RBM27: variants seen among roughly 807,000 people sequenced by gnomAD.
RBM27 encodes RNA-binding protein 27.
In RBM27, 22 loss-of-function variants were observed where a neutral mutation model predicts 135.3. That is an observed-to-expected ratio of 0.16 (90% CI 0.12 to 0.23). The LOEUF is 0.23. RBM27 is among the 10% of genes least tolerant of loss of function. The pLI is 1.00. For missense variants in RBM27, 1,009 were observed against 1,281.0 expected (o/e 0.79, Z 3.24); for synonymous variants, 481 against 442.4 (o/e 1.09, Z -1.10).
At chr5:146,250,770 CTTTTTTTTTTTT>C (rs58027855) in intron 8 of RBM27, among the ~76,000 whole-genome samples, 9 of 72,672 alleles carry the variant, frequency 1.2e-4, no homozygotes, top group African/African-American at 4.9e-4. Flanking sequence ...TTTTTTTGTC[CTTTTTTTTTTTT>C]TTTTTTTTTT....
At chr5:146,268,471 A>C (rs1312246533) in intron 15 of RBM27, among the ~76,000 whole-genome samples, 6 of 152,082 alleles carry the variant, frequency 3.9e-5, no homozygotes, top group African/African-American at 1.2e-4. Context: ...TGAACTCCCA[A>C]CCTCAGGTGA....
rs868286144 is a variant in RBM27 at position 146,288,923 on chromosome 5, G to T, written c.*2893G>T. ...AAAAATCATGTGAAAAGGAATAGTG[G>T]TTCCTCTTGATGTATAGTATGCCTG... On this transcript the variant is annotated 3_prime_UTR_variant, in exon 21 of 21. Coordinates refer to ENST00000265271, the MANE Select transcript of RBM27 (RefSeq NM_018989.2). 4 of 151,920 alleles carry T rather than the reference G, an allele frequency of 2.6e-5. No individual in the cohort carries two copies. The highest frequency in any genetic ancestry group is 6.6e-5 in the Admixed American group (1 of 15,242). The allele number at this position is 151,920 out of a possible 1,614,324, so 9.4% of individuals were successfully genotyped here.
At chr5:146,205,355 AAG>A (rs1276798947) in intron 1 of RBM27, among the ~76,000 whole-genome samples, 2 of 152,122 alleles carry the variant, frequency 1.3e-5, no homozygotes, top group Non-Finnish European at 1.5e-5. Flanking sequence ...GCTTGAAAGA[AAG>A]GGGTAGAAGA....
intron 17 of RBM27, 86 bp from the exon 18 acceptor site, chr5:146,270,868 T>G: frequency 1.3e-6 from 1 of 783,180 alleles, no homozygotes; most frequent in Non-Finnish European, 2.1e-6. Context: ...CCAAAATACA[T>G]GTGTGTCATT....
chr5:146,284,523 C>G, intron 19 of RBM27, 99 bp from the exon 20 acceptor site: 1 of 785,226 alleles, frequency 1.3e-6, no homozygotes, highest in East Asian at 2.5e-5. Flanking sequence ...ACAGATTTCT[C>G]TCCTGCCCTA....
Position 146,233,167 on chromosome 5 carries a change from C to T in RBM27, c.851-283C>T, listed in dbSNP as rs73319953. Among the ~76,000 whole-genome samples the T allele has an allele frequency of 6.9e-3, 1,048 of 152,216 alleles. 12 individuals are homozygous for T. The highest frequency in any genetic ancestry group is 0.024 in the African/African-American group (976 of 41,516). On this transcript the variant is annotated intron_variant, in intron 6 of 20. Transcript: ENST00000265271. ...AATATCTGAGTTTTTATTATGAAAG[C>T]TTAATTGCAAATGGTTTAGTATAAT...
At chr5:146,228,846 C>G (rs1353434981) in intron 3 of RBM27, 100 bp from the exon 4 acceptor site, 12 of 803,438 alleles carry the variant, frequency 1.5e-5, no homozygotes, top group Admixed American at 4.7e-5. Context: ...ATCCTGGCCT[C>G]AAGCAGTCTT....
chr5:146,242,506 AT>A (rs1383353662), intron 8 of RBM27, among the ~76,000 whole-genome samples: 5 of 152,230 alleles, frequency 3.3e-5, no homozygotes, highest in African/African-American at 4.8e-5. Flanking sequence ...TGATTCTAAA[AT>A]TTATAGAGAA....
chr5:146,229,830 G>C lies in RBM27; in HGVS notation c.509G>C (p.Arg170Pro), dbSNP rs1489587604. Reference sequence around the variant, plus strand: ...TGGAGAAGAGGCAGGAGTAAGAGTCGGAGTAAGAGTCGAGGCCTGAGTCGC... The same window carrying C: ...TGGAGAAGAGGCAGGAGTAAGAGTCCGAGTAAGAGTCGAGGCCTGAGTCGC... ...YDWRRGRSKS[R>P]SKSRGLSRSR... Residue 170 changes from arginine (R) to proline (P), a missense_variant, in exon 5 of 21, where the codon CGG (arginine) becomes CCG (proline). Physicochemically the swap from Arg to Pro is moderately radical, Grantham distance 103. Around this residue, in one of 6 missense-constraint regions of RBM27, gnomAD observed 268 missense variants for 326.6 expected, o/e 0.82. Transcript: ENST00000265271. 3 of 1,614,006 alleles carry C rather than the reference G, an allele frequency of 1.9e-6. No homozygotes were observed. Among genetic ancestry groups the C allele is most frequent in the Non-Finnish European group, 2.5e-6 (3 of 1,179,992 alleles).
At chr5:146,226,722 CT>C (rs1306769471) in intron 3 of RBM27, among the ~76,000 whole-genome samples, 1 of 152,018 alleles carries the variant, frequency 6.6e-6, no homozygotes, top group Admixed American at 6.6e-5. Context: ...AAAAACAAAA[CT>C]GTTATACTAT....
intron 1 of RBM27, among the ~76,000 whole-genome samples, chr5:146,207,150 GC>G (rs1755716462): frequency 6.6e-6 from 1 of 152,160 alleles, no homozygotes; most frequent in Non-Finnish European, 1.5e-5. Flanking sequence ...CAGAGCAGTT[GC>G]TAGGCTTTGA....
chr5:146,252,488 T>G (rs1757934514), intron 9 of RBM27, among the ~76,000 whole-genome samples: 1 of 152,202 alleles, frequency 6.6e-6, no homozygotes, highest in Admixed American at 6.5e-5. Context: ...ATTCCCAGGA[T>G]TTATGGCACA....
chr5:146,257,774 A>T (rs578059302), intron 10 of RBM27, among the ~76,000 whole-genome samples: 1 of 151,896 alleles, frequency 6.6e-6, no homozygotes, highest in Admixed American at 6.6e-5. Context: ...GATTGCTTGT[A>T]TAAGGTGATC....
intron 9 of RBM27, among the ~76,000 whole-genome samples, chr5:146,253,298 A>G (rs1757972920): frequency 6.6e-6 from 1 of 152,108 alleles, no homozygotes; most frequent in African/African-American, 2.4e-5. Context: ...GCCCGGCCCA[A>G]TTATTTGGTT....
At chr5:146,218,392 A>G (rs1388551573) in intron 1 of RBM27, among the ~76,000 whole-genome samples, 1 of 152,238 alleles carries the variant, frequency 6.6e-6, no homozygotes, top group African/African-American at 2.4e-5. Context: ...TCTAACTCCT[A>G]GATCTTTTCT....
chr5:146,232,526 T>C (rs115004982), intron 6 of RBM27, among the ~76,000 whole-genome samples: 11 of 152,190 alleles, frequency 7.2e-5, no homozygotes, highest in Admixed American at 7.2e-4. Flanking sequence ...TGTTAAAACA[T>C]AGAGAGCTTT....
chr5:146,206,767 A>G (rs898581074), intron 1 of RBM27, among the ~76,000 whole-genome samples: 18 of 151,758 alleles, frequency 1.2e-4, no homozygotes, highest in African/African-American at 3.9e-4. Context: ...TTTTTAGTAG[A>G]GACGGGGGTG....
intron 3 of RBM27, among the ~76,000 whole-genome samples, chr5:146,228,098 T>A (rs981218264): frequency 2.0e-5 from 3 of 152,188 alleles, no homozygotes; most frequent in African/African-American, 7.2e-5. Flanking sequence ...TACTTTAACA[T>A]TAAAAAATTA....
chr5:146,265,467 G>A (rs1035018901), intron 14 of RBM27, among the ~76,000 whole-genome samples: 7 of 152,160 alleles, frequency 4.6e-5, no homozygotes, highest in Non-Finnish European at 1.0e-4. Context: ...GTTATGGCAA[G>A]TATAGAAGAA....
Sources: gnomAD v4.1 joint callset for allele counts (sites outside exome capture counted in the v4.1 genomes callset) on GRCh38, gnomAD v4.1.1 for gene constraint, gnomAD v4.1.1 regional missense constraint, MANE v1.5 for transcripts, NCBI Gene and HGNC (gene_info 2026-07-23, HGNC 2026-07-21) for gene names.